Variants in CDYL observed in about 807,000 individuals in gnomAD.
CDYL encodes the protein chromodomain Y like.
A neutral mutation model predicts 47.3 loss-of-function variants in CDYL; 8 were observed. The observed-to-expected ratio is 0.17, with a 90% CI of 0.10 to 0.31. The LOEUF (loss-of-function observed/expected upper bound fraction) is 0.31. Ranked by LOEUF, CDYL falls within the 10% of genes least tolerant of loss-of-function variation. CDYL has a pLI of 1.00. For synonymous variants in CDYL, 266 were observed against 265.0 expected, an observed-to-expected ratio of 1.00 and a Z score of -0.04; for missense variants, 471 against 701.4, an observed-to-expected ratio of 0.67 and a Z score of 3.71.
chr6:4,752,762 A>T (rs1321490353), intron 3 of CDYL, among the ~76,000 whole-genome samples: 2 of 152,072 alleles, frequency 1.3e-5, no homozygotes, highest in Non-Finnish European at 2.9e-5. Flanking sequence ...GCCTCATCAC[A>T]TGGCGGCGAG....
In CDYL at chr6:4,908,949, AG is replaced by A. The variant is rs138033308; in HGVS notation, c.691+16572del. ...TCTGCTTACCTGGTTAAGCCACAAAAGGTTCTATGCTTAGACTAGACGTGGG... is the reference window on the plus strand; with the variant it reads ...TCTGCTTACCTGGTTAAGCCACAAAAGTTCTATGCTTAGACTAGACGTGGG... On this transcript the variant is annotated intron_variant, in intron 2 of 6. Coordinates refer to ENST00000397588, the MANE Select transcript of CDYL (RefSeq NM_004824.4). Among the ~76,000 whole-genome samples the A allele has an allele frequency of 8.5e-3, 1,297 of 152,302 alleles. 21 individuals carry two copies. Among genetic ancestry groups the A allele is most frequent in the African/African-American group, 0.03 (1,252 of 41,554 alleles).
intron 1 of CDYL, among the ~76,000 whole-genome samples, chr6:4,799,080 C>G (rs1759152455): frequency 6.6e-6 from 1 of 152,074 alleles, no homozygotes; most frequent in Non-Finnish European, 1.5e-5. Context: ...CATTTACTTG[C>G]AGCTCTGCTT....
intron 4 of CDYL, among the ~76,000 whole-genome samples, chr6:4,939,116 C>G (rs1318461181): frequency 7.2e-5 from 11 of 152,144 alleles, no homozygotes; most frequent in Admixed American, 7.2e-4. Flanking sequence ...GGCAAAATGG[C>G]AGTAAAGTAA....
intron 3 of CDYL, among the ~76,000 whole-genome samples, chr6:4,748,840 C>T (rs1757940717): frequency 6.6e-6 from 1 of 152,142 alleles, no homozygotes; most frequent in Non-Finnish European, 1.5e-5. Context: ...GAAATTATTC[C>T]TTCTGCTATT....
intron 1 of CDYL, among the ~76,000 whole-genome samples, chr6:4,884,513 G>T (rs138379546): frequency 7.4e-4 from 112 of 152,336 alleles, no homozygotes; most frequent in African/African-American, 2.6e-3. Context: ...CAAGGAGTGG[G>T]TCTTGTTGGG....
intron 1 of CDYL, among the ~76,000 whole-genome samples, chr6:4,711,414 C>T (rs992149133): frequency 9.9e-5 from 15 of 152,122 alleles, no homozygotes. Context: ...CCTCTGATTC[C>T]CCCTCAGGAG....
rs1178737062 is a variant in CDYL, at chr6:4,736,699, C to CT, written c.186+1864dup. On this transcript the variant is annotated intron_variant, in intron 3 of 8. Transcript: ENST00000328908. ...GCTACGCACTTTATTAGCAACTTAG[C>CT]TTTTTTTTTCCCTCATAACCCATAG... 8.1e-4 allele frequency among the ~76,000 whole-genome samples: 122 copies of CT among 150,486 alleles called. 3 individuals carry two copies. Among genetic ancestry groups the CT allele is most frequent in the Admixed American group, 3.9e-3 (59 of 15,014 alleles).
At chr6:4,890,696 C>T (rs1293977923) in intron 1 of CDYL, among the ~76,000 whole-genome samples, 1 of 152,222 alleles carries the variant, frequency 6.6e-6, no homozygotes, top group East Asian at 1.9e-4. Flanking sequence ...ACAGTTTCGC[C>T]TGACCTACCT....
chr6:4,888,185 A>G (rs983594737), intron 1 of CDYL, among the ~76,000 whole-genome samples: 4 of 152,110 alleles, frequency 2.6e-5, no homozygotes, highest in Non-Finnish European at 5.9e-5. Flanking sequence ...TATTAGGTAA[A>G]TAGTGGCCTC....
At position 4,880,892 on chromosome 6, in the gene CDYL, G is replaced by A. The variant is rs754894854; in HGVS notation, c.25-10821G>A. On this transcript the variant is annotated intron_variant, in intron 1 of 6. Transcript: ENST00000397588. ...ACTTGTTAAGTTTTAAGATACCTTT[G>A]TTTTGGATAACAGCCGTTTGTCAGA... 9.9e-5 allele frequency among the ~76,000 whole-genome samples: 15 copies of A among 152,152 alleles called. 1 individual carries two copies. Among genetic ancestry groups the A allele is most frequent in the Non-Finnish European group, 2.9e-5 (2 of 68,020 alleles).
intron 2 of CDYL, among the ~76,000 whole-genome samples, chr6:4,924,119 ATAAT>A (rs956129651): frequency 2.0e-5 from 3 of 152,190 alleles, no homozygotes; most frequent in Admixed American, 6.5e-5. Flanking sequence ...TTAGGAAAAT[ATAAT>A]TAATTATCTA....
At chr6:4,842,160 A>G (rs1342303533) in intron 1 of CDYL, among the ~76,000 whole-genome samples, 2 of 144,304 alleles carry the variant, frequency 1.4e-5, no homozygotes, top group Non-Finnish European at 3.0e-5. Context: ...TATATTATAA[A>G]TATATTATAT....
intron 2 of CDYL, 122 bp downstream of exon 2, chr6:4,892,501 G>A: frequency 1.9e-6 from 2 of 1,063,458 alleles, no homozygotes; most frequent in Admixed American, 2.6e-5. Context: ...CTGGAGCCTT[G>A]CAGAGATTTC....
At chr6:4,886,494 G>A (rs1043965286) in intron 1 of CDYL, among the ~76,000 whole-genome samples, 2 of 152,124 alleles carry the variant, frequency 1.3e-5, no homozygotes, top group Admixed American at 6.5e-5. Flanking sequence ...GCGTCTTTCC[G>A]TGTGCTTTAC....
intron 2 of CDYL, among the ~76,000 whole-genome samples, chr6:4,728,343 C>T (rs1757550366): frequency 1.3e-5 from 2 of 152,198 alleles, no homozygotes; most frequent in African/African-American, 4.8e-5. Flanking sequence ...CAGGGCATTC[C>T]CAAGCCTCTA....
chr6:4,773,606 C>A (rs1484906834), upstream of CDYL, among the ~76,000 whole-genome samples: 1 of 152,108 alleles, frequency 6.6e-6, no homozygotes, highest in African/African-American at 2.4e-5. This position sits in a 1 kb window ranked among gnomAD's most constrained non-coding sequence, Gnocchi z 4.6. Context: ...AAATAGCATT[C>A]CATAAATCAG....
intron 1 of CDYL, among the ~76,000 whole-genome samples, chr6:4,852,416 TCTTC>T (rs1420963251): frequency 1.9e-4 from 24 of 128,110 alleles, no homozygotes; most frequent in African/African-American, 6.9e-4. Context: ...TTCCTTCCAA[TCTTC>T]CTTCCTTCCT....
intron 3 of CDYL, among the ~76,000 whole-genome samples, chr6:4,744,498 A>G (rs1328678870): frequency 6.6e-6 from 1 of 151,462 alleles, no homozygotes; most frequent in African/African-American, 2.4e-5. Flanking sequence ...CCTGTCTCAA[A>G]AAAAAAAATT....
At chr6:4,888,281 G>A (rs916276168) in intron 1 of CDYL, among the ~76,000 whole-genome samples, 3 of 152,124 alleles carry the variant, frequency 2.0e-5, no homozygotes, top group Non-Finnish European at 4.4e-5. Context: ...GAATTCACCA[G>A]TGAAGCTATC....
Sources: gnomAD v4.1 joint callset for allele counts (sites outside exome capture counted in the v4.1 genomes callset) on GRCh38, gnomAD v4.1.1 for gene constraint, Gnocchi (gnomAD v3.1) non-coding constraint, MANE v1.5 for transcripts, NCBI Gene and HGNC (gene_info 2026-07-23, HGNC 2026-07-21) for gene names.